ESRRG: variants seen among roughly 807,000 people sequenced by gnomAD.
The protein encoded by ESRRG is estrogen-related receptor gamma.
In ESRRG, 13 loss-of-function variants were observed where a neutral mutation model predicts 44.0. The ratio of observed to expected loss-of-function variants is 0.30; its 90% CI spans 0.19 to 0.47. The LOEUF (loss-of-function observed/expected upper bound fraction) is 0.47. ESRRG is among the 20% of genes least tolerant of loss of function. The probability of loss-of-function intolerance (pLI) is 1.00; values close to 1 mark genes in which losing one functional copy is unlikely to be tolerated. For synonymous variants in ESRRG, 215 were observed against 214.6 expected (o/e 1.00, Z -0.02); for missense variants, 395 against 580.6 (o/e 0.68, Z 3.29).
intron 1 of ESRRG, among the ~76,000 whole-genome samples, chr1:216,968,037 T>C (rs978193272): frequency 2.0e-5 from 3 of 152,206 alleles, no homozygotes; most frequent in Non-Finnish European, 2.9e-5. Flanking sequence ...TTGTATTTCT[T>C]CTTTTGTAAG....
intron 3 of ESRRG, among the ~76,000 whole-genome samples, chr1:216,601,978 G>C (rs886708015): frequency 1.3e-5 from 2 of 152,150 alleles, no homozygotes; most frequent in African/African-American, 2.4e-5. Context: ...CAACAACAAA[G>C]TGAAGGCTTA....
At chr1:216,904,329 C>G (rs2059442365) in intron 2 of ESRRG, among the ~76,000 whole-genome samples, 1 of 152,124 alleles carries the variant, frequency 6.6e-6, no homozygotes, top group Admixed American at 6.5e-5. Context: ...AGGGTTCTAC[C>G]TGCAGATGTG....
chr1:216,984,260 C>T (rs2074499313), intron 1 of ESRRG, among the ~76,000 whole-genome samples: 1 of 152,096 alleles, frequency 6.6e-6, no homozygotes, highest in Non-Finnish European at 1.5e-5. Flanking sequence ...CAAAATAAAT[C>T]CTCGTGATCA....
chr1:216,562,120 T>G (rs959628862), intron 5 of ESRRG, among the ~76,000 whole-genome samples: 3 of 152,210 alleles, frequency 2.0e-5, no homozygotes, highest in African/African-American at 7.2e-5. Flanking sequence ...TTGACTTTTA[T>G]TGGTTTTTAT....
chr1:216,613,302 A>G (rs993681324), intron 3 of ESRRG, among the ~76,000 whole-genome samples: 2 of 152,192 alleles, frequency 1.3e-5, no homozygotes, highest in Non-Finnish European at 2.9e-5. Context: ...TAATGGTGAC[A>G]ATATTTCTAT....
chr1:216,615,358 G>T (rs915179017), intron 3 of ESRRG, among the ~76,000 whole-genome samples: 1 of 152,088 alleles, frequency 6.6e-6, no homozygotes, highest in African/African-American at 2.4e-5. Context: ...AAGTTCTTTG[G>T]CATATTTTTC....
intron 1 of ESRRG, among the ~76,000 whole-genome samples, chr1:216,944,125 A>G (rs2065707753): frequency 6.6e-6 from 1 of 152,202 alleles, no homozygotes; most frequent in African/African-American, 2.4e-5. Context: ...GGCTCCCTCC[A>G]GTTAAACTGA....
intron 1 of ESRRG, among the ~76,000 whole-genome samples, chr1:217,046,958 G>T (rs2084998829): frequency 6.6e-6 from 1 of 152,084 alleles, no homozygotes; most frequent in Non-Finnish European, 1.5e-5. Context: ...TAGTTGGTAA[G>T]ATTTGTTGTA....
At chr1:217,011,301 G>A (rs946438) in intron 1 of ESRRG, among the ~76,000 whole-genome samples, 74,357 of 152,072 alleles carry the variant, frequency 0.49, 18,441 homozygotes, top group Admixed American at 0.58. Flanking sequence ...ATAAAAGGAA[G>A]TCCCAAGTGA....
At chr1:216,881,404 T>C (rs1350442758) in intron 2 of ESRRG, among the ~76,000 whole-genome samples, 1 of 152,152 alleles carries the variant, frequency 6.6e-6, no homozygotes, top group African/African-American at 2.4e-5. Flanking sequence ...AGATGTAAGC[T>C]ACATTTCCTG....
chr1:216,783,837 T>G (rs2094023616), intron 2 of ESRRG, among the ~76,000 whole-genome samples: 1 of 152,074 alleles, frequency 6.6e-6, no homozygotes, highest in Non-Finnish European at 1.5e-5. Flanking sequence ...CTGGATTCAG[T>G]CTGAAATATT....
intron 2 of ESRRG, among the ~76,000 whole-genome samples, chr1:216,787,519 C>G (rs565107885): frequency 2.8e-4 from 41 of 145,600 alleles, no homozygotes; most frequent in Admixed American, 2.3e-3. Flanking sequence ...AGGAGAATTG[C>G]TTGAACCTGG....
intron 2 of ESRRG, among the ~76,000 whole-genome samples, chr1:216,931,603 G>A (rs1329641806): frequency 6.6e-6 from 1 of 151,906 alleles, no homozygotes; most frequent in African/African-American, 2.4e-5. Flanking sequence ...GGCCCAATTG[G>A]CCCAGGTGCC....
intron 1 of ESRRG, chr1:216,701,475 G>A (rs1265195776): frequency 6.6e-6 from 1 of 152,150 alleles, no homozygotes; most frequent in Non-Finnish European, 1.5e-5. Flanking sequence ...GCATTCATCA[G>A]CAGACCTGTC....
chr1:216,665,005 A>G (rs1317147581), intron 2 of ESRRG, among the ~76,000 whole-genome samples: 1 of 152,188 alleles, frequency 6.6e-6, no homozygotes, highest in African/African-American at 2.4e-5. Flanking sequence ...ATGCACAAAG[A>G]AAATGTGGTC....
chr1:216,595,212 T>C (rs182702920), intron 3 of ESRRG, among the ~76,000 whole-genome samples: 14 of 151,630 alleles, frequency 9.2e-5, no homozygotes, highest in African/African-American at 3.4e-4. Context: ...AAAACATAGC[T>C]CATTTTTTCA....
At chr1:216,980,011 A>G (rs1013039776) in intron 1 of ESRRG, among the ~76,000 whole-genome samples, 4 of 151,798 alleles carry the variant, frequency 2.6e-5, no homozygotes, top group Non-Finnish European at 5.9e-5. Flanking sequence ...AAACCTAAGG[A>G]CTCTTCCATA....
At chr1:217,054,744 T>C (rs866702987) in intron 1 of ESRRG, among the ~76,000 whole-genome samples, 1 of 151,266 alleles carries the variant, frequency 6.6e-6, no homozygotes, top group Non-Finnish European at 1.5e-5. Context: ...TGAAGAGACA[T>C]AGGAGGTGAA....
At chr1:217,035,055 A>C (rs930029147) in intron 1 of ESRRG, among the ~76,000 whole-genome samples, 21 of 152,166 alleles carry the variant, frequency 1.4e-4, no homozygotes, top group African/African-American at 4.8e-4. Context: ...TCCAGAGTTC[A>C]CATCTTAGTG....
Sources: allele counts gnomAD v4.1 joint callset (sites outside exome capture counted in the v4.1 genomes callset), GRCh38; gene constraint gnomAD v4.1.1; transcripts MANE v1.5; gene names NCBI Gene and HGNC (gene_info 2026-07-23, HGNC 2026-07-21).